Variants in WWOX observed in about 807,000 individuals in gnomAD.
WWOX encodes the protein WW domain-containing oxidoreductase.
WWOX carries 69 observed loss-of-function variants against 46.2 expected under a neutral mutation model. That is an observed-to-expected ratio of 1.49 (90% CI 1.23 to 1.82). WWOX has a LOEUF of 1.82. Among genes scored for constraint, WWOX ranks in the 40% most tolerant of loss-of-function variants. The pLI is 0.00. For synonymous variants in WWOX, 359 were observed against 202.6 expected, an observed-to-expected ratio of 1.77 and a Z score of -6.56; for missense variants, 919 against 542.6, an observed-to-expected ratio of 1.69 and a Z score of -6.89.
intron 8 of WWOX, among the ~76,000 whole-genome samples, chr16:78,868,930 C>A (rs557255276): frequency 6.6e-6 from 1 of 152,226 alleles, no homozygotes; most frequent in East Asian, 1.9e-4. Context: ...TTAAAACACA[C>A]CTGCGTGCAA....
chr16:78,981,012 G>A (rs563042739), intron 8 of WWOX, among the ~76,000 whole-genome samples: 4 of 152,258 alleles, frequency 2.6e-5, no homozygotes, highest in Non-Finnish European at 4.4e-5. Context: ...GCTAAGAAGC[G>A]CTGTGTTGCG....
intron 8 of WWOX, among the ~76,000 whole-genome samples, chr16:79,122,737 A>C (rs545673243): frequency 1.3e-5 from 2 of 152,296 alleles, no homozygotes; most frequent in Admixed American, 1.3e-4. Context: ...AGCTAAGCTG[A>C]ATGGTGAAAG....
chr16:78,996,418 A>G, intron 8 of WWOX: 4 of 851,694 alleles, frequency 4.7e-6, no homozygotes, highest in Non-Finnish European at 5.5e-6. Flanking sequence ...TGATTTGCTC[A>G]AAGTTTGCAA....
chr16:78,145,351 C>G (rs80167942), intron 4 of WWOX, among the ~76,000 whole-genome samples: 3 of 152,102 alleles, frequency 2.0e-5, no homozygotes, highest in African/African-American at 7.2e-5. Flanking sequence ...ATAGTGTAGC[C>G]TTCAGGCTGT....
At chr16:79,183,645 A>C (rs1169075638) in intron 8 of WWOX, among the ~76,000 whole-genome samples, 5 of 152,220 alleles carry the variant, frequency 3.3e-5, no homozygotes, top group African/African-American at 7.2e-5. Context: ...AATTATTATA[A>C]CAAATGTATC....
intron 8 of WWOX, among the ~76,000 whole-genome samples, chr16:78,987,771 G>C (rs2046809718): frequency 6.6e-6 from 1 of 152,116 alleles, no homozygotes; most frequent in Non-Finnish European, 1.5e-5. Flanking sequence ...TTCTTCTTGG[G>C]CTGATGAACT....
intron 8 of WWOX, among the ~76,000 whole-genome samples, chr16:78,510,570 T>G (rs1377405259): frequency 6.6e-6 from 1 of 152,220 alleles, no homozygotes; most frequent in Non-Finnish European, 1.5e-5. Context: ...TAACTGCACT[T>G]TCTCATCAAC....
chr16:78,259,048 G>A (rs1597411625), intron 5 of WWOX, among the ~76,000 whole-genome samples: 1 of 152,162 alleles, frequency 6.6e-6, no homozygotes, highest in African/African-American at 2.4e-5. Context: ...AAGTAATTTA[G>A]CACCACGTTA....
At chr16:78,324,594 A>G (rs1180660397) in intron 5 of WWOX, among the ~76,000 whole-genome samples, 1 of 152,152 alleles carries the variant, frequency 6.6e-6, no homozygotes, top group African/African-American at 2.4e-5. Context: ...GGAATATTCC[A>G]TTTTATATTC....
chr16:78,348,635 T>G, intron 5 of WWOX, among the ~76,000 whole-genome samples: 1 of 118,886 alleles, frequency 8.4e-6, no homozygotes, highest in Non-Finnish European at 2.0e-5. Flanking sequence ...TTACTACATT[T>G]TCTGTAGAGA....
At chr16:78,841,878 T>C (rs2052160526) in intron 8 of WWOX, among the ~76,000 whole-genome samples, 1 of 152,226 alleles carries the variant, frequency 6.6e-6, no homozygotes, top group South Asian at 2.1e-4. Flanking sequence ...GGTTATACAA[T>C]ATTTCTTTTG....
chr16:78,792,794 C>A lies in WWOX; in HGVS notation c.1056+360042C>A, dbSNP rs114290445. On this transcript the variant is annotated intron_variant, in intron 8 of 8. Coordinates refer to ENST00000566780, the MANE Select transcript of WWOX (RefSeq NM_016373.4). ...TGGGAAAGCCAAGGAAGGCCAGGAT[C>A]CTCACCAAGATTGCCAGCAGGGAGC... Among the ~76,000 whole-genome samples, 668 of 152,212 alleles carry A rather than the reference C, an allele frequency of 4.4e-3. 4 individuals are homozygous for A. The highest frequency in any genetic ancestry group is 0.015 in the African/African-American group (633 of 41,522).
intron 8 of WWOX, among the ~76,000 whole-genome samples, chr16:78,529,237 G>T (rs2043560173): frequency 6.6e-6 from 1 of 152,098 alleles, no homozygotes; most frequent in Non-Finnish European, 1.5e-5. Flanking sequence ...TTATGGGTAT[G>T]AGCTACTGTA....
chr16:78,353,018 T>A (rs546778466), intron 5 of WWOX, among the ~76,000 whole-genome samples: 2 of 152,358 alleles, frequency 1.3e-5, no homozygotes, highest in African/African-American at 4.8e-5. Context: ...AATGGGTAAT[T>A]TATTCGTCTT....
intron 6 of WWOX, among the ~76,000 whole-genome samples, chr16:78,419,625 C>CAAAAAAAAAAAAAAAAAAAAAAAAAA (rs60762734): frequency 6.7e-5 from 3 of 44,688 alleles, no homozygotes; most frequent in African/African-American, 1.5e-4. Context: ...CAAAAAATAG[C>CAAAAAAAAAAAAAAAAAAAAAAAAAA]AAAAAAAAAA....
intron 5 of WWOX, among the ~76,000 whole-genome samples, chr16:78,195,372 C>T (rs556732818): frequency 6.6e-6 from 1 of 152,172 alleles, no homozygotes; most frequent in Admixed American, 6.5e-5. Flanking sequence ...TGGGACCCAG[C>T]AGCTGGCTCA....
chr16:79,008,670 C>G (rs1429577056), intron 8 of WWOX, among the ~76,000 whole-genome samples: 1 of 152,210 alleles, frequency 6.6e-6, no homozygotes, highest in Non-Finnish European at 1.5e-5. Context: ...CCAGGTCATA[C>G]TGATGTCACT....
At chr16:78,682,914 G>A (rs1301972335) in intron 8 of WWOX, among the ~76,000 whole-genome samples, 2 of 152,076 alleles carry the variant, frequency 1.3e-5, no homozygotes, top group Non-Finnish European at 2.9e-5. Context: ...ATACTTTCGT[G>A]ACTAAACATC....
intron 8 of WWOX, among the ~76,000 whole-genome samples, chr16:78,480,561 T>C (rs1455310834): frequency 6.6e-6 from 1 of 152,322 alleles, no homozygotes; most frequent in Admixed American, 6.5e-5. Context: ...AGAGTAGGGA[T>C]TCCAGCTCAG....
Sources: gnomAD v4.1 joint callset for allele counts (sites outside exome capture counted in the v4.1 genomes callset) on GRCh38, gnomAD v4.1.1 for gene constraint, MANE v1.5 for transcripts, NCBI Gene and HGNC (gene_info 2026-07-23, HGNC 2026-07-21) for gene names.